Variants in TCEA1 observed in about 807,000 individuals in gnomAD.
TCEA1 encodes the protein transcription elongation factor A protein 1.
Under a neutral mutation model 43.8 loss-of-function variants are expected in TCEA1, and 21 were observed. The ratio of observed to expected loss-of-function variants is 0.48; its 90% CI spans 0.34 to 0.69. TCEA1 has a LOEUF of 0.69. Ranked by LOEUF, TCEA1 falls within the 30% of genes least tolerant of loss-of-function variation. The pLI, the probability that TCEA1 is intolerant of heterozygous loss-of-function variation, is 0.01. For missense variants in TCEA1, 250 were observed against 365.1 expected, an observed-to-expected ratio of 0.68 and a Z score of 2.57; for synonymous variants, 104 against 117.5, an observed-to-expected ratio of 0.88 and a Z score of 0.75.
At chr8:54,004,942 TA>T (rs1409830815) in intron 2 of TCEA1, among the ~76,000 whole-genome samples, 1 of 152,130 alleles carries the variant, frequency 6.6e-6, no homozygotes, top group Non-Finnish European at 1.5e-5. Context: ...CTACTATATA[TA>T]AAAACTTACA....
At position 54,000,103 on chromosome 8, in the gene TCEA1, T is replaced by C. The variant is rs200114578; in HGVS notation, c.127-53A>G. Reference sequence around the variant, plus strand: ...TATACCAATTTTATTTTAAACAAATTAGTATTTCACCTACATTCTTTTCTT... The same window carrying C: ...TATACCAATTTTATTTTAAACAAATCAGTATTTCACCTACATTCTTTTCTT... On this transcript the variant is annotated intron_variant, in intron 2 of 9. Transcript: ENST00000521604. The C allele has an allele frequency of 9.0e-4, 969 of 1,070,772 alleles. 4 individuals carry two copies. The highest frequency in any genetic ancestry group is 1.2e-3 in the Non-Finnish European group (875 of 748,106). 66.3% of individuals were successfully genotyped at this position (1,070,772 alleles called of 1,614,324 possible). A position where few individuals can be genotyped will look rare whatever the true frequency, so the allele number is the denominator to read the frequency against.
At chr8:54,020,096 CATT>C (rs1804974276) in intron 1 of TCEA1, among the ~76,000 whole-genome samples, 1 of 152,086 alleles carries the variant, frequency 6.6e-6, no homozygotes. Flanking sequence ...TACTTAGAAA[CATT>C]ATTACAAGGA....
intron 2 of TCEA1, among the ~76,000 whole-genome samples, chr8:54,007,008 T>G (rs1276980425): frequency 1.3e-5 from 2 of 152,008 alleles, no homozygotes; most frequent in South Asian, 4.2e-4. Flanking sequence ...GCCCAGCTAA[T>G]TTTTTTGTAT....
intron 1 of TCEA1, among the ~76,000 whole-genome samples, chr8:54,017,402 G>A (rs1357477535): frequency 6.6e-6 from 1 of 152,210 alleles, no homozygotes; most frequent in Non-Finnish European, 1.5e-5. Flanking sequence ...TGAAGACAAA[G>A]AGGATGAAGA....
At chr8:54,005,042 C>G (rs981345482) in intron 2 of TCEA1, among the ~76,000 whole-genome samples, 1 of 151,942 alleles carries the variant, frequency 6.6e-6, no homozygotes, top group Non-Finnish European at 1.5e-5. Flanking sequence ...TACTCTCTCA[C>G]TCTGCTCAGT....
intron 8 of TCEA1, among the ~76,000 whole-genome samples, chr8:53,974,447 AT>A (rs1165542417): frequency 6.7e-6 from 1 of 149,870 alleles, no homozygotes; most frequent in Non-Finnish European, 1.5e-5. Flanking sequence ...TGTAGGGTTT[AT>A]AAAATGTTTA....
intron 1 of TCEA1, among the ~76,000 whole-genome samples, chr8:54,017,224 G>A (rs1804860238): frequency 6.6e-6 from 1 of 152,098 alleles, no homozygotes; most frequent in African/African-American, 2.4e-5. Context: ...AAATTATACA[G>A]TAGTAATAGT....
At position 53,967,900 on chromosome 8, in the gene TCEA1, G is replaced by T. The variant is rs1563454576; in HGVS notation, c.*204C>A. On this transcript the variant is annotated 3_prime_UTR_variant, in exon 10 of 10. Transcript: ENST00000521604. ...ACAGAAAAAATATGTTTTGAAACAG[G>T]TACCATAAAATTATTATATGGTCTC... The T allele has an allele frequency of 1.2e-5, 5 of 428,874 alleles. No homozygotes were observed. Among genetic ancestry groups the T allele is most frequent in the South Asian group, 9.7e-5 (1 of 10,282 alleles). 26.6% of individuals were successfully genotyped at this position (428,874 alleles called of 1,614,324 possible).
chr8:53,973,309 G>A (rs1803222411), intron 8 of TCEA1: 2 of 525,698 alleles, frequency 3.8e-6, no homozygotes, highest in South Asian at 3.3e-5. Context: ...CAAAGAGATG[G>A]TCAAGAACAA....
At chr8:54,014,580 G>GATAAACTAC (rs1196897777) in intron 1 of TCEA1, among the ~76,000 whole-genome samples, 7 of 152,216 alleles carry the variant, frequency 4.6e-5, no homozygotes, top group African/African-American at 1.7e-4. Context: ...CTGGCTGAAA[G>GATAAACTAC]ATAAACTACA....
At chr8:54,013,274 G>C (rs1330885898) in intron 1 of TCEA1, among the ~76,000 whole-genome samples, 1 of 152,158 alleles carries the variant, frequency 6.6e-6, no homozygotes, top group African/African-American at 2.4e-5. Flanking sequence ...GGAATAAAAA[G>C]CTAAAAGTAA....
chr8:54,007,445 T>C (rs1219388499), intron 2 of TCEA1, among the ~76,000 whole-genome samples: 1 of 152,138 alleles, frequency 6.6e-6, no homozygotes, highest in East Asian at 1.9e-4. Flanking sequence ...TCTCCCAAGG[T>C]GTTGGGATTA....
At chr8:53,982,613 CAAAAAAAAAAA>C (rs558788906) in intron 7 of TCEA1, among the ~76,000 whole-genome samples, 5 of 57,802 alleles carry the variant, frequency 8.7e-5, no homozygotes, top group East Asian at 1.1e-3. Context: ...CATTCCCCAC[CAAAAAAAAAAA>C]AAAAAAAAAA....
At chr8:53,972,462 G>C in intron 8 of TCEA1, 2 of 519,042 alleles carry the variant, frequency 3.9e-6, no homozygotes, top group East Asian at 5.3e-5. Flanking sequence ...TGCATGGAGA[G>C]AATCAGATAA....
chr8:54,003,382 A>G (rs1367060906), intron 2 of TCEA1, among the ~76,000 whole-genome samples: 2 of 152,226 alleles, frequency 1.3e-5, no homozygotes, highest in Admixed American at 6.5e-5. Context: ...AAGTCCATAC[A>G]GAAATGCAAA....
At chr8:54,019,234 C>T (rs1206207170) in intron 1 of TCEA1, among the ~76,000 whole-genome samples, 2 of 152,110 alleles carry the variant, frequency 1.3e-5, no homozygotes, top group African/African-American at 4.8e-5. Context: ...TAAATTTGCA[C>T]TTAAATTTGT....
intron 4 of TCEA1, among the ~76,000 whole-genome samples, chr8:53,989,631 C>G (rs1563484380): frequency 6.6e-6 from 1 of 152,234 alleles, no homozygotes; most frequent in East Asian, 1.9e-4. Context: ...TCTTCTCTAT[C>G]AGACTGAGTT....
At chr8:53,988,078 A>C in intron 5 of TCEA1, 36 bp downstream of exon 5, 1 of 1,598,250 alleles carries the variant, frequency 6.3e-7, no homozygotes, top group Non-Finnish European at 8.5e-7. Context: ...GTGGGTGGTG[A>C]CCAAAGGACT....
rs990621924 is a variant in TCEA1, at chr8:53,985,205, C to CG, written c.524-689dup. 1.8e-3 allele frequency among the ~76,000 whole-genome samples: 278 copies of CG among 152,106 alleles called. 3 individuals carry two copies. The highest frequency in any genetic ancestry group is 6.3e-3 in the African/African-American group (262 of 41,482). On this transcript the variant is annotated intron_variant, in intron 6 of 9. Coordinates refer to ENST00000521604, the MANE Select transcript of TCEA1 (RefSeq NM_006756.4). Reference sequence around the variant, plus strand: ...CTAATTTTTGTATTTTTAGTAGAGACGGGGTTTCACCATGTTGGCCAGGCT... The same window carrying CG: ...CTAATTTTTGTATTTTTAGTAGAGACGGGGGTTTCACCATGTTGGCCAGGCT...
Sources: gnomAD v4.1 joint callset for allele counts (sites outside exome capture counted in the v4.1 genomes callset) on GRCh38, gnomAD v4.1.1 for gene constraint, MANE v1.5 for transcripts, NCBI Gene and HGNC (gene_info 2026-07-23, HGNC 2026-07-21) for gene names.